The following PPARGC1B variants were observed in gnomAD, a reference collection of about 807,000 sequenced individuals.
PPARGC1B encodes peroxisome proliferator-activated receptor gamma coactivator 1-beta.
A neutral mutation model predicts 101.6 loss-of-function variants in PPARGC1B; 34 were observed. That is an observed-to-expected ratio of 0.33 (90% CI 0.25 to 0.45). The LOEUF (loss-of-function observed/expected upper bound fraction) is 0.45, where lower values mean the gene tolerates loss of function less well. PPARGC1B is among the 20% of genes least tolerant of loss of function. PPARGC1B has a pLI of 1.00. For synonymous variants in PPARGC1B, 548 were observed against 539.3 expected (o/e 1.02, Z -0.22); for missense variants, 1,234 against 1,317.6 (o/e 0.94, Z 0.98).
At chr5:149,757,225 G>C (rs961081878) in intron 1 of PPARGC1B, among the ~76,000 whole-genome samples, 7 of 152,226 alleles carry the variant, frequency 4.6e-5, no homozygotes, top group Non-Finnish European at 8.8e-5. Context: ...ATTCCAGGCA[G>C]TGAGAAAAGC....
At position 149,820,530 on chromosome 5, in the gene PPARGC1B, G is replaced by T. The variant is rs756404727; in HGVS notation, c.176G>T (p.Gly59Val). ...ASDFDSATCF[G>V]ELQWCPENSE... Reference sequence around the variant, plus strand: ...GACTTTGACTCGGCCACCTGCTTTGGGGAGCTGCAGTGGTGCCCAGAGAAC... The same window carrying T: ...GACTTTGACTCGGCCACCTGCTTTGTGGAGCTGCAGTGGTGCCCAGAGAAC... Residue 59 changes from glycine (G) to valine (V), a missense_variant, in exon 2 of 12, where the codon GGG becomes GTG. Coordinates refer to ENST00000309241, the MANE Select transcript of PPARGC1B (RefSeq NM_133263.4). 2 of 1,614,020 alleles carry T rather than the reference G, an allele frequency of 1.2e-6. No individual in the cohort carries two copies. Among genetic ancestry groups the T allele is most frequent in the Non-Finnish European group, 1.7e-6 (2 of 1,180,024 alleles).
chr5:149,738,190 T>A (rs1196968090), intron 1 of PPARGC1B, among the ~76,000 whole-genome samples: 2 of 152,172 alleles, frequency 1.3e-5, no homozygotes, highest in East Asian at 3.8e-4. Context: ...TTCATCCACC[T>A]TGTTTTTCAC....
At chr5:149,844,983 C>A (rs573914672) in intron 10 of PPARGC1B, among the ~76,000 whole-genome samples, 71 of 152,340 alleles carry the variant, frequency 4.7e-4, no homozygotes, top group African/African-American at 1.5e-3. Context: ...GGAGTCACTA[C>A]ATGACTCCAG....
chr5:149,855,708 A>G (rs1170516078), downstream of PPARGC1B, among the ~76,000 whole-genome samples: 1 of 152,194 alleles, frequency 6.6e-6, no homozygotes, highest in Non-Finnish European at 1.5e-5. Flanking sequence ...TCACGTCTCA[A>G]AGGGGTTAGC....
chr5:149,839,007 C>A (rs1463135603), intron 8 of PPARGC1B, among the ~76,000 whole-genome samples: 1 of 152,182 alleles, frequency 6.6e-6, no homozygotes, highest in African/African-American at 2.4e-5. Context: ...AATTAGGTAA[C>A]CCTTTAAAGT....
chr5:149,744,812 A>C (rs535037836), intron 1 of PPARGC1B, among the ~76,000 whole-genome samples: 1 of 152,258 alleles, frequency 6.6e-6, no homozygotes, highest in African/African-American at 2.4e-5. Context: ...TCGGCATTAG[A>C]TAAGTGCTGA....
At chr5:149,759,471 C>T (rs1375075983) in intron 1 of PPARGC1B, among the ~76,000 whole-genome samples, 5 of 152,040 alleles carry the variant, frequency 3.3e-5, no homozygotes, top group South Asian at 2.1e-4. Context: ...CAGTGGCCAC[C>T]GTGGAGCAGG....
chr5:149,752,990 A>G lies in PPARGC1B; in HGVS notation c.78+22570A>G, dbSNP rs112820923. On this transcript the variant is annotated intron_variant, in intron 1 of 11. Coordinates refer to ENST00000309241, the MANE Select transcript of PPARGC1B (RefSeq NM_133263.4). ...ATGTGTTCTTCCAGAGGTAAACCAT[A>G]CAAACATCGCATATATGTGGTCTAA... Among the ~76,000 whole-genome samples the G allele has an allele frequency of 1.6e-3, 237 of 152,370 alleles. 2 individuals are homozygous for G. The highest frequency in any genetic ancestry group is 5.4e-3 in the African/African-American group (226 of 41,594).
At position 149,833,073 on chromosome 5, in the gene PPARGC1B, A is replaced by G; in HGVS notation, c.1000A>G (p.Lys334Glu). Residue 334 changes from lysine (K) to glutamate (E), a missense_variant, in exon 5 of 12, where the codon AAA becomes GAA. Around this residue, in one of 3 missense-constraint regions of PPARGC1B, gnomAD observed 734 missense variants for 768.4 expected, o/e 0.96. Coordinates refer to ENST00000309241, the MANE Select transcript of PPARGC1B (RefSeq NM_133263.4). This position sits in a 1 kb window ranked among gnomAD's most constrained non-coding sequence, Gnocchi z 4.1. ...CCGGCCCTGGTCCCGGCACCACTCC[A>G]AAGCCTCCTGGGCTGAGTTCTCCAT... ...RSRPWSRHHS[K>E]ASWAEFSILR... is the part of the protein sequence containing the mutation. The G allele has an allele frequency of 6.2e-7, 1 of 1,613,862 alleles. No individual in the cohort carries two copies. The highest frequency in any genetic ancestry group is 1.1e-5 in the South Asian group (1 of 91,078).
intron 1 of PPARGC1B, among the ~76,000 whole-genome samples, chr5:149,750,713 G>A (rs1306181062): frequency 4.6e-5 from 7 of 152,104 alleles, no homozygotes; most frequent in African/African-American, 1.7e-4. Flanking sequence ...CACATTTAAC[G>A]TACCATGTGG....
rs1256053136 is a variant in PPARGC1B at position 149,730,457 on chromosome 5, G to C, written c.78+37G>C. On this transcript the variant is annotated intron_variant, in intron 1 of 11. Coordinates refer to ENST00000309241, the MANE Select transcript of PPARGC1B (RefSeq NM_133263.4). This position sits in a 1 kb window ranked among gnomAD's most constrained non-coding sequence, Gnocchi z 4.0. ...TGGGGCTGCGGGCCCGGGGCCAGGG[G>C]TGCTGAGCTGCGGGGGCCGCAGCTG... The C allele has an allele frequency of 1.3e-6, 2 of 1,489,786 alleles. No individual in the cohort carries two copies. The highest frequency in any genetic ancestry group is 1.8e-6 in the Non-Finnish European group (2 of 1,111,556). 92.3% of individuals were successfully genotyped at this position (1,489,786 alleles called of 1,614,324 possible).
rs138677083 is a variant in PPARGC1B at position 149,832,863 on chromosome 5, C to A, written c.790C>A (p.Pro264Thr). The change falls in exon 5 of 12, where the codon CCC (proline) becomes ACC (threonine). Residue 264 changes from proline (P) to threonine (T), a missense_variant. Physicochemically the swap from Pro to Thr is conservative, Grantham distance 38. This residue lies in a region of PPARGC1B where 734 missense variants were observed against 768.4 expected (regional missense o/e 0.96). Transcript: ENST00000309241. This position sits in a 1 kb window ranked among gnomAD's most constrained non-coding sequence, Gnocchi z 4.9. ...CPSPQPAPAS[P>T]RDSLALGRAD... is the part of the protein sequence containing the mutation. ...GAGCCCCCAGCCAGCTCCAGCCTCT[C>A]CCCGGGACTCCCTAGCTCTGGGCAG... The A allele has an allele frequency of 1.4e-4, 221 of 1,611,296 alleles. 1 individual carries two copies. In the African/African-American group the frequency reaches 2.7e-3, roughly 19 times the overall value.
At chr5:149,809,389 A>T (rs147255545) in intron 1 of PPARGC1B, among the ~76,000 whole-genome samples, 1 of 72,418 alleles carries the variant, frequency 1.4e-5, no homozygotes, top group African/African-American at 4.2e-5. Context: ...ATAGATAGAT[A>T]GATCCATCTC....
At chr5:149,807,392 A>G (rs764773711) in intron 1 of PPARGC1B, among the ~76,000 whole-genome samples, 6 of 151,892 alleles carry the variant, frequency 4.0e-5, no homozygotes, top group Non-Finnish European at 7.4e-5. Context: ...CTGCCAGCTC[A>G]TGAGCAGGGT....
chr5:149,799,895 T>C (rs908573033), intron 1 of PPARGC1B, among the ~76,000 whole-genome samples: 4 of 151,848 alleles, frequency 2.6e-5, no homozygotes, highest in African/African-American at 9.7e-5. Flanking sequence ...GAGATGGTTT[T>C]GCCATGTTGG....
intron 1 of PPARGC1B, among the ~76,000 whole-genome samples, chr5:149,816,888 A>G (rs553167103): frequency 9.8e-5 from 15 of 152,310 alleles, no homozygotes; most frequent in African/African-American, 3.6e-4. Flanking sequence ...CTGGATGGCT[A>G]CAACAGCTGT....
At chr5:149,786,007 C>T (rs1756792679) in intron 1 of PPARGC1B, among the ~76,000 whole-genome samples, 2 of 152,028 alleles carry the variant, frequency 1.3e-5, no homozygotes, top group Admixed American at 1.3e-4. Context: ...TAGCCTCGAC[C>T]TCCCGGGCTC....
chr5:149,763,526 GTTTTTTTTTTTT>G (rs70973540), intron 1 of PPARGC1B, among the ~76,000 whole-genome samples: 1 of 67,678 alleles, frequency 1.5e-5, no homozygotes, highest in African/African-American at 6.0e-5. Flanking sequence ...TTCACTCCTG[GTTTTTTTTTTTT>G]TTTTTTTTTT....
chr5:149,826,263 A>G (rs1758512831), intron 2 of PPARGC1B, among the ~76,000 whole-genome samples: 1 of 151,908 alleles, frequency 6.6e-6, no homozygotes, highest in African/African-American at 2.4e-5. Context: ...CTCTGCCTGG[A>G]CCCCAGGGTC....
Sources: allele counts gnomAD v4.1 joint callset (sites outside exome capture counted in the v4.1 genomes callset), GRCh38; gene constraint gnomAD v4.1.1; regional missense constraint gnomAD v4.1.1; non-coding constraint Gnocchi (gnomAD v3.1); transcripts MANE v1.5; gene names NCBI Gene and HGNC (gene_info 2026-07-23, HGNC 2026-07-21).